The following TRIM26 variants were observed in gnomAD, a reference collection of about 807,000 sequenced individuals.
TRIM26 encodes the protein tripartite motif-containing protein 26.
TRIM26 carries 16 observed loss-of-function variants against 45.5 expected under a neutral mutation model. The observed-to-expected ratio is 0.35, with a 90% confidence interval of 0.24 to 0.53. TRIM26 has a LOEUF of 0.53. Ranked by LOEUF, TRIM26 falls within the 20% of genes least tolerant of loss-of-function variation. The probability of loss-of-function intolerance (pLI) is 0.92; values close to 1 mark genes in which losing one functional copy is unlikely to be tolerated. For missense variants in TRIM26, 442 were observed against 691.1 expected, an observed-to-expected ratio of 0.64 and a Z score of 4.04; for synonymous variants, 273 against 290.4, an observed-to-expected ratio of 0.94 and a Z score of 0.61.
At chr6:30,191,285 G>A (rs1775806115) in intron 6 of TRIM26, among the ~76,000 whole-genome samples, 1 of 151,774 alleles carries the variant, frequency 6.6e-6, no homozygotes, top group African/African-American at 2.4e-5. Context: ...CCTTTTGTGA[G>A]TCAAAAGCCT....
intron 2 of TRIM26, among the ~76,000 whole-genome samples, chr6:30,203,877 T>C (rs1777452280): frequency 1.3e-5 from 2 of 150,640 alleles, no homozygotes; most frequent in Non-Finnish European, 2.9e-5. Flanking sequence ...CAAAGCAAAA[T>C]AAAAAGCTAG....
At chr6:30,193,611 T>C (rs1776176602) in intron 6 of TRIM26, among the ~76,000 whole-genome samples, 1 of 152,150 alleles carries the variant, frequency 6.6e-6, no homozygotes, top group Non-Finnish European at 1.5e-5. Flanking sequence ...CTGAAGAATG[T>C]CATTCGTATT....
chr6:30,199,382 G>C, intron 3 of TRIM26, 118 bp from the exon 4 acceptor site: 1 of 404,920 alleles, frequency 2.5e-6, no homozygotes, highest in Non-Finnish European at 4.4e-6. Context: ...GTGAAGAGCA[G>C]GACAGCCACT....
intron 9 of TRIM26, chr6:30,187,691 G>C: frequency 4.6e-6 from 1 of 216,864 alleles, no homozygotes; most frequent in Non-Finnish European, 9.4e-6. Flanking sequence ...AGGCCGAGGC[G>C]GGTGGATCAC....
chr6:30,193,182 A>ATATTTTTTT (rs9280916), intron 6 of TRIM26, among the ~76,000 whole-genome samples: 18 of 38,818 alleles, frequency 4.6e-4, no homozygotes, highest in African/African-American at 1.6e-3. Context: ...ATATATATAT[A>ATATTTTTTT]TTTTTTTTTT....
At position 30,186,341 on chromosome 6, in the gene TRIM26, C is replaced by G. The variant is rs1775185684; in HGVS notation, c.1155G>C (p.Glu385Asp). The G allele has an allele frequency of 6.2e-7, 1 of 1,612,718 alleles. No homozygotes were observed. The highest frequency in any genetic ancestry group is 8.5e-7 in the Non-Finnish European group (1 of 1,179,698). Residue 385 changes from glutamate to aspartate, a missense_variant, in exon 10 of 10, where the codon GAG becomes GAC. By Grantham distance (45) the Glu-to-Asp change is conservative. Coordinates refer to ENST00000454678, the MANE Select transcript of TRIM26 (RefSeq NM_003449.5). The surrounding 1 kb of genome is among the most constrained non-coding windows in gnomAD (Gnocchi z 7.4). ...CTTCTCCCTCTTCCTCCTCATCCCC[C>G]TCTTCTTCATCCTCAGACCAGCCCT... The part of the protein sequence containing the change: ...EREGWSEDEE[E>D]GDEEEEGEEE...
Position 30,185,793 on chromosome 6 carries a change from G to C in TRIM26, c.*83C>G. ...CCCCTGCTCCAGGTGCTTAGGCCAG[G>C]CATCCCGTCCCCCCATTGAGAGTCC... On this transcript the variant is annotated 3_prime_UTR_variant, in exon 10 of 10. Coordinates refer to ENST00000454678, the MANE Select transcript of TRIM26 (RefSeq NM_003449.5). The surrounding 1 kb of genome is among the most constrained non-coding windows in gnomAD (Gnocchi z 5.7). The C allele has an allele frequency of 6.8e-7, 1 of 1,477,476 alleles. No homozygotes were observed. Among genetic ancestry groups the C allele is most frequent in the East Asian group, 2.3e-5 (1 of 43,200 alleles). 91.5% of individuals were successfully genotyped at this position (1,477,476 alleles called of 1,614,324 possible). A position where few individuals can be genotyped will look rare whatever the true frequency, so the allele number is the denominator to read the frequency against.
chr6:30,193,076 A>G (rs879557749), intron 6 of TRIM26, among the ~76,000 whole-genome samples: 6 of 102,568 alleles, frequency 5.8e-5, no homozygotes, highest in Admixed American at 1.9e-4. Flanking sequence ...ATATATATAT[A>G]TGTATATATA....
Position 30,189,555 on chromosome 6 carries a change from C to T in TRIM26, c.789-22G>A. The stretch of plus-strand genomic sequence containing the variant: ...ATACCTAAGAAGATGACATACATAA[C>T]AAGCTGTTACTCAGCTCTTCTTACT... On this transcript the variant is annotated intron_variant, in intron 7 of 9. Coordinates refer to ENST00000454678, the MANE Select transcript of TRIM26 (RefSeq NM_003449.5). The surrounding 1 kb of genome is among the most constrained non-coding windows in gnomAD (Gnocchi z 5.0). 1.3e-6 allele frequency: 2 copies of T among 1,581,118 alleles called. No homozygotes were observed. The highest frequency in any genetic ancestry group is 1.7e-5 in the Admixed American group (1 of 59,944).
intron 2 of TRIM26, among the ~76,000 whole-genome samples, chr6:30,202,755 G>A (rs1461882150): frequency 3.3e-5 from 5 of 152,108 alleles, no homozygotes; most frequent in African/African-American, 1.2e-4. Context: ...TACCGATGGA[G>A]GAATTAAACC....
intron 6 of TRIM26, among the ~76,000 whole-genome samples, chr6:30,192,011 A>G (rs547759816): frequency 3.2e-4 from 48 of 152,342 alleles, no homozygotes; most frequent in African/African-American, 1.1e-3. Context: ...AGAGTCCTCT[A>G]AAGGTTAAAG....
chr6:30,197,789 T>C, intron 5 of TRIM26, among the ~76,000 whole-genome samples: 1 of 152,222 alleles, frequency 6.6e-6, no homozygotes, highest in Non-Finnish European at 1.5e-5. Context: ...GTTTAGAGAA[T>C]AATGACAAGA....
chr6:30,196,409 A>G lies in TRIM26; in HGVS notation c.765+107T>C. 9.4e-7 allele frequency: 1 copy of G among 1,067,502 alleles called. No homozygotes were observed. Among genetic ancestry groups the G allele is most frequent in the Non-Finnish European group, 1.4e-6 (1 of 735,982 alleles). 66.1% of individuals were successfully genotyped at this position (1,067,502 alleles called of 1,614,324 possible). On this transcript the variant is annotated intron_variant, in intron 6 of 9. Coordinates refer to ENST00000454678, the MANE Select transcript of TRIM26 (RefSeq NM_003449.5). The surrounding 1 kb of genome is among the most constrained non-coding windows in gnomAD (Gnocchi z 4.9). ...GTAAGGATTATCATCTCCATGTTTC[A>G]GATGACAAAACTGAGCCCCCAAGTC...
Position 30,196,740 on chromosome 6 carries a change from G to A in TRIM26, c.541C>T (p.Leu181Phe). 1 of 1,614,190 alleles carries A rather than the reference G, an allele frequency of 6.2e-7. No individual in the cohort carries two copies. The highest frequency in any genetic ancestry group is 8.5e-7 in the Non-Finnish European group (1 of 1,180,036). Residue 181 changes from leucine to phenylalanine, a missense_variant, in exon 6 of 10, where the codon CTC becomes TTC. By Grantham distance (22) the Leu-to-Phe change is conservative (BLOSUM62 0). Transcript: ENST00000454678. This position sits in a 1 kb window ranked among gnomAD's most constrained non-coding sequence, Gnocchi z 4.9. ...ACAATGTACTGCCTCTGGTCCTGGA[G>A]CTTCTTCTGCAGGGGGCAGGAAGGG... ...EADILAALKKLQDQRQYIVAE... is the reference protein window; with the variant it reads ...EADILAALKKFQDQRQYIVAE...
rs1385480889 is a variant in TRIM26 at position 30,204,781 on chromosome 6, C to T, written c.-375-16G>A. 2.0e-5 allele frequency: 3 copies of T among 146,526 alleles called. No individual in the cohort carries two copies. Among genetic ancestry groups the T allele is most frequent in the African/African-American group, 7.9e-5 (3 of 38,210 alleles). The allele number at this position is 146,526 out of a possible 1,614,324, so 9.1% of individuals were successfully genotyped here. A position where few individuals can be genotyped will look rare whatever the true frequency, so the allele number is the denominator to read the frequency against. On this transcript the variant is annotated splice_polypyrimidine_tract_variant and intron_variant, in intron 1 of 9. Transcript: ENST00000454678. ...TTCCTGACTCCTGGGCAGACAGAAA[C>T]CAAAATCAGAGCCAAAAAAAAAAAA...
chr6:30,203,434 G>A (rs149517654), intron 2 of TRIM26, among the ~76,000 whole-genome samples: 3,882 of 151,900 alleles, frequency 0.026, 56 homozygotes, highest in South Asian at 0.057. Flanking sequence ...ATTTATTTTT[G>A]AGATGGAGTT....
chr6:30,189,682 A>C lies in TRIM26; in HGVS notation c.789-149T>G. Reference sequence around the variant, plus strand: ...GACAGAAAAACAGTGGCCCAAAGACACCAGCTGAACCAGGGCTTCAGAACA... The same window carrying C: ...GACAGAAAAACAGTGGCCCAAAGACCCCAGCTGAACCAGGGCTTCAGAACA... On this transcript the variant is annotated intron_variant, in intron 7 of 9. Coordinates refer to ENST00000454678, the MANE Select transcript of TRIM26 (RefSeq NM_003449.5). This position sits in a 1 kb window ranked among gnomAD's most constrained non-coding sequence, Gnocchi z 5.0. The C allele has an allele frequency of 2.9e-6, 2 of 695,562 alleles. 1 individual carries two copies. The highest frequency in any genetic ancestry group is 4.9e-6 in the Non-Finnish European group (2 of 411,724). The allele number at this position is 695,562 out of a possible 1,614,324, so 43.1% of individuals were successfully genotyped here.
chr6:30,211,337 G>A (rs1778265956), intron 1 of TRIM26, among the ~76,000 whole-genome samples: 1 of 152,204 alleles, frequency 6.6e-6, no homozygotes, highest in Non-Finnish European at 1.5e-5. Context: ...AATTCATCCT[G>A]ATGCCAGCCA....
intron 6 of TRIM26, among the ~76,000 whole-genome samples, chr6:30,194,763 G>C (rs1776283037): frequency 2.0e-5 from 3 of 152,178 alleles, no homozygotes; most frequent in Non-Finnish European, 2.9e-5. Flanking sequence ...GCTGAGGCAG[G>C]AGAATCGCTT....
Sources: allele counts gnomAD v4.1 joint callset (sites outside exome capture counted in the v4.1 genomes callset), GRCh38; gene constraint gnomAD v4.1.1; non-coding constraint Gnocchi (gnomAD v3.1); transcripts MANE v1.5; gene names NCBI Gene and HGNC (gene_info 2026-07-23, HGNC 2026-07-21).